DOK7: variants seen among roughly 807,000 people sequenced by gnomAD.
DOK7 encodes protein Dok-7.
A neutral mutation model predicts 30.7 loss-of-function variants in DOK7; 32 were observed. The ratio of observed to expected loss-of-function variants is 1.04; its 90% confidence interval spans 0.79 to 1.40. The LOEUF (loss-of-function observed/expected upper bound fraction) is 1.40, where lower values mean the gene tolerates loss of function less well. Among genes scored for constraint, DOK7 ranks in the 40% most tolerant of loss-of-function variants. DOK7 has a pLI of 0.00. For missense variants in DOK7, 1,007 were observed against 699.2 expected, an observed-to-expected ratio of 1.44 and a Z score of -4.97; for synonymous variants, 447 against 324.1, an observed-to-expected ratio of 1.38 and a Z score of -4.07.
chr4:3,471,921 G>A (rs1039967978), intron 2 of DOK7, among the ~76,000 whole-genome samples: 1 of 152,256 alleles, frequency 6.6e-6, no homozygotes, highest in Non-Finnish European at 1.5e-5. Flanking sequence ...CACTGTCGCC[G>A]CGCCCACACC....
chr4:3,490,402 C>CA (rs59460830), intron 6 of DOK7, among the ~76,000 whole-genome samples: 29 of 62,164 alleles, frequency 4.7e-4, no homozygotes, highest in East Asian at 1.8e-3. Context: ...TTCAGTCCTT[C>CA]TTTCACCCCC....
intron 4 of DOK7, 88 bp from the exon 5 acceptor site, chr4:3,485,451 G>T (rs1041543813): frequency 7.2e-7 from 1 of 1,389,992 alleles, no homozygotes; most frequent in Middle Eastern, 1.9e-4. Context: ...TCTTGGTGGA[G>T]TTTGCTGCGG....
downstream of DOK7, chr4:3,497,008 A>G (rs1489482541): frequency 9.8e-6 from 9 of 915,702 alleles, no homozygotes; most frequent in Non-Finnish European, 1.6e-6. Context: ...CAATGTGGTG[A>G]AAGTGGTTGT....
chr4:3,500,443 G>T, intron 7 of DOK7: 3 of 1,530,880 alleles, frequency 2.0e-6, no homozygotes, highest in Non-Finnish European at 2.6e-6. Context: ...ACAATTGGGG[G>T]CTGGGACCAC....
chr4:3,484,500 C>T (rs1016813872), intron 4 of DOK7: 144 of 985,396 alleles, frequency 1.5e-4, no homozygotes, highest in Non-Finnish European at 1.6e-4. Context: ...TGTGAGGTGA[C>T]GCCAGCCGGA....
rs769634681 is a variant in DOK7, at chr4:3,500,233, C to T, written c.1109-18C>T. 9 of 1,534,238 alleles carry T rather than the reference C, an allele frequency of 5.9e-6. 1 individual carries two copies. The South Asian group carries it at 9.5e-5, about 16-fold the overall frequency. On this transcript the variant is annotated intron_variant, in intron 6 of 7. Coordinates refer to the DOK7 transcript ENST00000643608. ...CCTCTCGGTCCCCACCGGGGCTTCACAGCCGCTCCCCCCACAGGATCCCCA... is the reference window on the plus strand; with the variant it reads ...CCTCTCGGTCCCCACCGGGGCTTCATAGCCGCTCCCCCCACAGGATCCCCA...
At chr4:3,474,055 G>T (rs915858955) in intron 3 of DOK7, among the ~76,000 whole-genome samples, 1 of 152,058 alleles carries the variant, frequency 6.6e-6, no homozygotes, top group African/African-American at 2.4e-5. Flanking sequence ...GGAATAGAGG[G>T]AGGGGAGAGG....
rs1727715950 is a variant in DOK7 at position 3,485,530 on chromosome 4, C to T, written c.533-9C>T. 2 of 1,595,600 alleles carry T rather than the reference C, an allele frequency of 1.3e-6. No individual in the cohort carries two copies. The highest frequency in any genetic ancestry group is 8.6e-7 in the Non-Finnish European group (1 of 1,169,420). ...GCCAGACTGACCTGTCTCTGTCCTT[C>T]CTCTGCAGGGGCTGGCGTCTTCTTC... On this transcript the variant is annotated splice_polypyrimidine_tract_variant and intron_variant, in intron 4 of 6. Coordinates refer to ENST00000340083, the MANE Select transcript of DOK7 (RefSeq NM_173660.5).
In DOK7 at chr4:3,463,419, ACGG is replaced by A. The variant is rs1726073141; in HGVS notation, c.46_48del (p.Gly16del). 1 of 1,117,726 alleles carries A rather than the reference ACGG, an allele frequency of 8.9e-7. No individual in the cohort carries two copies. The highest frequency in any genetic ancestry group is 1.5e-5 in the South Asian group (1 of 67,204). 69.2% of individuals were successfully genotyped at this position (1,117,726 alleles called of 1,614,324 possible). ...GTGGAGGGCCAGGTCAAGCTGCGGG[ACGG>A]CAAGAAGGTCGGGGCGCGTCGGGGG... On this transcript the variant is annotated inframe_deletion, in exon 1 of 7. Coordinates refer to ENST00000340083, the MANE Select transcript of DOK7 (RefSeq NM_173660.5).
At position 3,494,079 on chromosome 4, in the gene DOK7, C is replaced by T. The variant is rs560084645; in HGVS notation, c.*578C>T. The T allele has an allele frequency of 1.0e-6, 1 of 986,776 alleles. No homozygotes were observed. Among genetic ancestry groups the T allele is most frequent in the African/African-American group, 1.7e-5 (1 of 57,370 alleles). 61.1% of individuals were successfully genotyped at this position (986,776 alleles called of 1,614,324 possible). On this transcript the variant is annotated 3_prime_UTR_variant, in exon 7 of 7. Transcript: ENST00000340083. ...GGAGGCTGTGTGGCTTGCGGGGTCT[C>T]TGGGTTCTGGGCCCCACTGTTCCCC... is the stretch of plus-strand genomic sequence containing the variant.
downstream of DOK7, among the ~76,000 whole-genome samples, chr4:3,497,148 C>G (rs1728953907): frequency 6.6e-6 from 1 of 151,940 alleles, no homozygotes; most frequent in African/African-American, 2.4e-5. Context: ...AGAGGGCAGG[C>G]TGCTGGAGGA....
downstream of DOK7, among the ~76,000 whole-genome samples, chr4:3,497,558 C>T (rs893535632): frequency 2.0e-5 from 3 of 152,104 alleles, no homozygotes; most frequent in Non-Finnish European, 2.9e-5. Flanking sequence ...AGATGGGTGG[C>T]ATCAGGGCCA....
chr4:3,470,724 G>A (rs1313673961), intron 2 of DOK7, among the ~76,000 whole-genome samples: 1 of 152,218 alleles, frequency 6.6e-6, no homozygotes, highest in Non-Finnish European at 1.5e-5. Context: ...TCCCACACGT[G>A]TCATCTGTGG....
intron 5 of DOK7, among the ~76,000 whole-genome samples, chr4:3,488,719 G>A (rs1470250191): frequency 6.6e-6 from 1 of 151,898 alleles, no homozygotes; most frequent in African/African-American, 2.4e-5. Flanking sequence ...GGTGTCAGGA[G>A]GTGTGTTCTG....
chr4:3,500,484 C>A, intron 7 of DOK7: 1 of 1,508,788 alleles, frequency 6.6e-7, no homozygotes, highest in Non-Finnish European at 8.8e-7. Flanking sequence ...CCAGCCCCAC[C>A]CAGCAGCCCT....
chr4:3,469,666 G>A (rs958640591), intron 2 of DOK7, among the ~76,000 whole-genome samples: 1 of 152,220 alleles, frequency 6.6e-6, no homozygotes, highest in Admixed American at 6.5e-5. Context: ...GTCCCAGGGA[G>A]AGCCGCTGCG....
At position 3,492,725 on chromosome 4, in the gene DOK7, C is replaced by G. The variant is rs1347450782; in HGVS notation, c.773-34C>G. On this transcript the variant is annotated intron_variant, in intron 6 of 6. Coordinates refer to ENST00000340083, the MANE Select transcript of DOK7 (RefSeq NM_173660.5). ...CACGTCCTGCCCAGACCCCTGTACC[C>G]CCACAACTGCCTTGGCTTCCTGCTC... The G allele has an allele frequency of 1.9e-6, 3 of 1,610,934 alleles. No homozygotes were observed. In the Admixed American group the frequency reaches 5.0e-5, roughly 27 times the overall value.
At chr4:3,489,165 C>T (rs1055522863) in intron 5 of DOK7, among the ~76,000 whole-genome samples, 2 of 152,126 alleles carry the variant, frequency 1.3e-5, no homozygotes, top group Non-Finnish European at 2.9e-5. Flanking sequence ...CCACCATGCT[C>T]TGAGCCTTGG....
chr4:3,463,450 C>CGGGGGGGGGGGGGGGGGG (rs71180187), intron 1 of DOK7, 21 bp downstream of exon 1: 33 of 1,230,622 alleles, frequency 2.7e-5, no homozygotes, highest in South Asian at 2.6e-4. Flanking sequence ...GTCGGGGGCG[C>CGGGGGGGGGGGGGGGGGG]GGGGGGGGGG....
Sources: allele counts gnomAD v4.1 joint callset (sites outside exome capture counted in the v4.1 genomes callset), GRCh38; gene constraint gnomAD v4.1.1; transcripts MANE v1.5; gene names NCBI Gene and HGNC (gene_info 2026-07-23, HGNC 2026-07-21).